CLSTN2: variants seen among roughly 807,000 people sequenced by gnomAD.
The protein encoded by CLSTN2 is calsyntenin-2.
In CLSTN2, 48 loss-of-function variants were observed where a neutral mutation model predicts 101.2. The observed-to-expected ratio is 0.47, with a 90% CI of 0.38 to 0.60. The LOEUF (loss-of-function observed/expected upper bound fraction) is 0.60, where lower values mean the gene tolerates loss of function less well. CLSTN2 is among the 20% of genes least tolerant of loss of function. The pLI is 0.00. For synonymous variants in CLSTN2, 481 were observed against 463.6 expected (o/e 1.04, Z -0.48); for missense variants, 1,160 against 1,238.2 (o/e 0.94, Z 0.95).
At chr3:140,380,462 T>C (rs528828493) in intron 2 of CLSTN2, among the ~76,000 whole-genome samples, 8 of 152,362 alleles carry the variant, frequency 5.3e-5, no homozygotes, top group Non-Finnish European at 5.9e-5. Flanking sequence ...TTATAGCTCT[T>C]TTATTGAAGT....
At chr3:139,941,825 A>G (rs987128672) in intron 1 of CLSTN2, among the ~76,000 whole-genome samples, 1 of 152,238 alleles carries the variant, frequency 6.6e-6, no homozygotes, top group African/African-American at 2.4e-5. Flanking sequence ...CTAATAAAAC[A>G]GTGAATGTTT....
At chr3:140,135,152 A>G (rs1311838061) in intron 1 of CLSTN2, among the ~76,000 whole-genome samples, 1 of 138,674 alleles carries the variant, frequency 7.2e-6, no homozygotes, top group Non-Finnish European at 1.5e-5. Context: ...ATATATATAT[A>G]TATATATATA....
intron 1 of CLSTN2, among the ~76,000 whole-genome samples, chr3:140,161,924 A>G (rs1001743913): frequency 2.6e-5 from 4 of 152,216 alleles, no homozygotes; most frequent in Non-Finnish European, 4.4e-5. Flanking sequence ...TTAAAAATCT[A>G]TATTTATTAA....
intron 1 of CLSTN2, among the ~76,000 whole-genome samples, chr3:139,985,295 T>C (rs560389960): frequency 6.0e-4 from 92 of 152,298 alleles, no homozygotes; most frequent in African/African-American, 1.8e-3. Flanking sequence ...CCGAGTCTAG[T>C]ACGAAGTGAA....
intron 4 of CLSTN2, among the ~76,000 whole-genome samples, chr3:140,410,281 T>A (rs1031772443): frequency 1.3e-5 from 2 of 152,018 alleles, no homozygotes; most frequent in South Asian, 2.1e-4. Context: ...ACACAGCGAA[T>A]TTTGAAAGCA....
chr3:140,530,490 T>C (rs1454227276), intron 8 of CLSTN2, among the ~76,000 whole-genome samples: 2 of 152,204 alleles, frequency 1.3e-5, no homozygotes, highest in East Asian at 1.9e-4. Context: ...AGGAAAAACA[T>C]TGTAATGTTG....
chr3:140,220,191 A>G (rs574043463), intron 2 of CLSTN2, among the ~76,000 whole-genome samples: 1 of 152,304 alleles, frequency 6.6e-6, no homozygotes, highest in Non-Finnish European at 1.5e-5. Flanking sequence ...TTGGGCTGTC[A>G]TAGATTGGAG....
At chr3:140,136,799 C>T (rs932377041) in intron 1 of CLSTN2, among the ~76,000 whole-genome samples, 8 of 152,188 alleles carry the variant, frequency 5.3e-5, no homozygotes, top group South Asian at 2.1e-4. Context: ...CAATGAATGG[C>T]AGCTCCTCTT....
intron 1 of CLSTN2, among the ~76,000 whole-genome samples, chr3:140,054,416 G>A (rs532826352): frequency 5.8e-4 from 88 of 152,156 alleles, no homozygotes; most frequent in African/African-American, 2.0e-3. Context: ...TCCATATGCA[G>A]ATATCTGTGA....
intron 1 of CLSTN2, among the ~76,000 whole-genome samples, chr3:140,074,801 C>G (rs1373613300): frequency 6.6e-6 from 1 of 152,106 alleles, no homozygotes; most frequent in African/African-American, 2.4e-5. Context: ...CACCTGTGTT[C>G]CCTCAATCAT....
At chr3:140,046,775 C>T (rs2007890027) in intron 1 of CLSTN2, among the ~76,000 whole-genome samples, 1 of 152,176 alleles carries the variant, frequency 6.6e-6, no homozygotes. Flanking sequence ...ACTTATGAAG[C>T]TTAGTTTGGA....
At chr3:140,410,646 T>A (rs2088354061) in intron 4 of CLSTN2, among the ~76,000 whole-genome samples, 1 of 152,074 alleles carries the variant, frequency 6.6e-6, no homozygotes, top group African/African-American at 2.4e-5. Context: ...AATCAGTAAA[T>A]ATTCAAATTC....
chr3:140,391,580 C>G (rs1016656526), intron 2 of CLSTN2, among the ~76,000 whole-genome samples: 1 of 152,010 alleles, frequency 6.6e-6, no homozygotes, highest in African/African-American at 2.4e-5. Context: ...AGAATATTAA[C>G]ATGATATGAT....
At chr3:140,178,145 T>C (rs914506761) in intron 2 of CLSTN2, among the ~76,000 whole-genome samples, 1 of 152,198 alleles carries the variant, frequency 6.6e-6, no homozygotes, top group Non-Finnish European at 1.5e-5. Flanking sequence ...TTTAATGTCC[T>C]GTTCTCATCT....
At chr3:140,174,648 AAG>A (rs916393558) in intron 1 of CLSTN2, among the ~76,000 whole-genome samples, 7 of 152,194 alleles carry the variant, frequency 4.6e-5, no homozygotes, top group African/African-American at 1.7e-4. Context: ...GCAGCAGGCA[AAG>A]AGAGAATGAG....
At chr3:140,500,821 A>C in intron 8 of CLSTN2, among the ~76,000 whole-genome samples, 1 of 152,216 alleles carries the variant, frequency 6.6e-6, no homozygotes, top group East Asian at 1.9e-4. Context: ...AAAATAATAA[A>C]GTATTATTTT....
rs531005702 is a variant in CLSTN2 at position 140,291,401 on chromosome 3, C to G, written c.233-112228C>G. On this transcript the variant is annotated intron_variant, in intron 2 of 16. Transcript: ENST00000458420. ...TCAGATAAGTGCTTCCCCTCCCCCCCCAACTTTCTGCTGGACCTCTCCCAT... is the reference window on the plus strand; with the variant it reads ...TCAGATAAGTGCTTCCCCTCCCCCCGCAACTTTCTGCTGGACCTCTCCCAT... Among the ~76,000 whole-genome samples the G allele has an allele frequency of 5.9e-5, 9 of 151,976 alleles. No individual in the cohort carries two copies. In the East Asian group the frequency reaches 9.7e-4, roughly 16 times the overall value.
chr3:140,550,897 C>T (rs1016687591), intron 10 of CLSTN2, among the ~76,000 whole-genome samples: 3 of 151,388 alleles, frequency 2.0e-5, no homozygotes, highest in African/African-American at 7.4e-5. Flanking sequence ...TGCAAATGAT[C>T]CTCTTCCATT....
intron 2 of CLSTN2, among the ~76,000 whole-genome samples, chr3:140,266,604 C>A (rs897274593): frequency 6.6e-6 from 1 of 151,894 alleles, no homozygotes; most frequent in African/African-American, 2.4e-5. Context: ...GTTGTTCTGC[C>A]GCGAGTTGAA....
Sources: allele counts gnomAD v4.1 joint callset (sites outside exome capture counted in the v4.1 genomes callset), GRCh38; gene constraint gnomAD v4.1.1; transcripts MANE v1.5; gene names NCBI Gene and HGNC (gene_info 2026-07-23, HGNC 2026-07-21).